The following CDK14 variants were observed in gnomAD, a reference collection of about 807,000 sequenced individuals.
CDK14 encodes cyclin-dependent kinase 14.
A neutral mutation model predicts 60.7 loss-of-function variants in CDK14; 34 were observed. The observed-to-expected ratio is 0.56, with a 90% CI of 0.43 to 0.75. CDK14 has a LOEUF of 0.75. Among genes scored for constraint, CDK14 ranks in the 30% least tolerant of loss-of-function variants. The pLI is 0.00. For missense variants in CDK14, 482 were observed against 564.1 expected, an observed-to-expected ratio of 0.85 and a Z score of 1.47; for synonymous variants, 197 against 203.7, an observed-to-expected ratio of 0.97 and a Z score of 0.28.
At chr7:91,113,782 G>C (rs1562910032) in intron 13 of CDK14, among the ~76,000 whole-genome samples, 1 of 152,046 alleles carries the variant, frequency 6.6e-6, no homozygotes, top group Non-Finnish European at 1.5e-5. Flanking sequence ...TAAGTTCTAA[G>C]TGCAACTCCT....
At chr7:91,111,409 C>A (rs1799465108) in intron 12 of CDK14, among the ~76,000 whole-genome samples, 2 of 152,174 alleles carry the variant, frequency 1.3e-5, no homozygotes, top group African/African-American at 4.8e-5. Flanking sequence ...GTGCAGCTCT[C>A]CCTCACCCAC....
At chr7:90,609,849 CCTGA>C (rs1282822571) in intron 2 of CDK14, among the ~76,000 whole-genome samples, 2 of 152,134 alleles carry the variant, frequency 1.3e-5, no homozygotes, top group East Asian at 1.9e-4. Flanking sequence ...TTTTCTCTAC[CCTGA>C]CTATCACCAT....
chr7:90,721,963 T>C (rs1435512396), intron 2 of CDK14, among the ~76,000 whole-genome samples: 1 of 152,156 alleles, frequency 6.6e-6, no homozygotes, highest in Non-Finnish European at 1.5e-5. Flanking sequence ...AACTGAAGAC[T>C]TGTACGCAGG....
intron 2 of CDK14, among the ~76,000 whole-genome samples, chr7:90,681,823 G>A (rs942754523): frequency 1.3e-5 from 2 of 152,084 alleles, no homozygotes; most frequent in Admixed American, 6.6e-5. Context: ...TGATGCTTTG[G>A]TTATGGTTAA....
chr7:90,913,557 A>T (rs1792977975), intron 7 of CDK14, among the ~76,000 whole-genome samples: 1 of 152,248 alleles, frequency 6.6e-6, no homozygotes, highest in Non-Finnish European at 1.5e-5. Context: ...ATATATTCTT[A>T]TTAGGAGAAA....
chr7:91,102,762 G>T (rs1269530636), intron 12 of CDK14, among the ~76,000 whole-genome samples: 1 of 151,814 alleles, frequency 6.6e-6, no homozygotes, highest in Non-Finnish European at 1.5e-5. Context: ...ATCTTCCGGG[G>T]GATGTATAGT....
At chr7:90,885,828 G>T (rs1056803560) in intron 6 of CDK14, among the ~76,000 whole-genome samples, 1 of 152,072 alleles carries the variant, frequency 6.6e-6, no homozygotes, top group Non-Finnish European at 1.5e-5. Context: ...ACCAAATACT[G>T]CATGTTCTCA....
chr7:91,128,419 C>T (rs918371245), intron 14 of CDK14, among the ~76,000 whole-genome samples: 1 of 152,142 alleles, frequency 6.6e-6, no homozygotes, highest in African/African-American at 2.4e-5. Context: ...CTCATCCCCT[C>T]ATTTGGGAAT....
chr7:91,029,603 C>CCCCA (rs1396578122), intron 10 of CDK14, among the ~76,000 whole-genome samples: 2,148 of 149,850 alleles, frequency 0.014, 12 homozygotes, highest in Middle Eastern at 0.024. Flanking sequence ...CCTCTCCTCT[C>CCCCA]CTCTCCTCCG....
At chr7:91,161,949 A>T (rs939477313) in intron 14 of CDK14, among the ~76,000 whole-genome samples, 2 of 152,214 alleles carry the variant, frequency 1.3e-5, no homozygotes, top group East Asian at 1.9e-4. Context: ...TTAATATAAC[A>T]CTGAAGTAAT....
At chr7:90,953,506 A>G (rs546714466) in intron 8 of CDK14, among the ~76,000 whole-genome samples, 1 of 152,290 alleles carries the variant, frequency 6.6e-6, no homozygotes, top group South Asian at 2.1e-4. Flanking sequence ...GCAAACTCAT[A>G]TTCAGAGTGA....
At chr7:90,833,555 A>G (rs73707900) in intron 5 of CDK14, among the ~76,000 whole-genome samples, 4,954 of 152,296 alleles carry the variant, frequency 0.033, 102 homozygotes, top group African/African-American at 0.065. Flanking sequence ...CAGTTAGACA[A>G]TGCATTGGAG....
At chr7:91,006,416 A>C (rs1795979886) in intron 10 of CDK14, among the ~76,000 whole-genome samples, 1 of 152,226 alleles carries the variant, frequency 6.6e-6, no homozygotes, top group African/African-American at 2.4e-5. Flanking sequence ...CTTTTTTCAG[A>C]AAACATTACA....
intron 3 of CDK14, among the ~76,000 whole-genome samples, chr7:90,738,206 A>G (rs569072637): frequency 2.6e-5 from 4 of 152,350 alleles, no homozygotes; most frequent in Admixed American, 1.3e-4. Flanking sequence ...GCCAGTAACT[A>G]TAGGATTTTA....
intron 14 of CDK14, among the ~76,000 whole-genome samples, chr7:91,179,082 A>G (rs1377565471): frequency 1.3e-5 from 2 of 152,288 alleles, no homozygotes; most frequent in East Asian, 3.9e-4. Flanking sequence ...GATAGACTGG[A>G]TTAAGAAAAT....
At chr7:90,899,266 A>C in intron 6 of CDK14, 25 bp from the exon 7 acceptor site, 1 of 1,564,956 alleles carries the variant, frequency 6.4e-7, no homozygotes. Flanking sequence ...AGGGTTATTA[A>C]TACATTTTTC....
rs1801199684 is a variant in CDK14 at position 91,162,521 on chromosome 7, A to G, written c.*28+44313A>G. Among the ~76,000 whole-genome samples the G allele has an allele frequency of 2.0e-5, 3 of 152,118 alleles. No homozygotes were observed. The South Asian group carries it at 6.2e-4, about 32-fold the overall frequency. On this transcript the variant is annotated intron_variant, in intron 14 of 14. Coordinates refer to ENST00000380050, the MANE Select transcript of CDK14 (RefSeq NM_001287135.2). ...AAACCGGGAAGGTTAGGGGAGGGAGAGGAGCCAGGCCCCAGGGCCAGCTGT... is the reference window on the plus strand; with the variant it reads ...AAACCGGGAAGGTTAGGGGAGGGAGGGGAGCCAGGCCCCAGGGCCAGCTGT...
intron 2 of CDK14, among the ~76,000 whole-genome samples, chr7:90,626,985 A>G (rs1232595302): frequency 2.0e-5 from 3 of 151,906 alleles, no homozygotes; most frequent in Admixed American, 1.3e-4. Context: ...AACAAAAACA[A>G]AACAAAAAAA....
chr7:91,084,712 CT>C (rs1798583042), intron 12 of CDK14, among the ~76,000 whole-genome samples: 1 of 152,252 alleles, frequency 6.6e-6, no homozygotes, highest in African/African-American at 2.4e-5. Context: ...TTTTGATCCC[CT>C]TCTGATAGAC....
Sources: gnomAD v4.1 joint callset for allele counts (sites outside exome capture counted in the v4.1 genomes callset) on GRCh38, gnomAD v4.1.1 for gene constraint, MANE v1.5 for transcripts, NCBI Gene and HGNC (gene_info 2026-07-23, HGNC 2026-07-21) for gene names.